DPP6: variants seen among roughly 807,000 people sequenced by gnomAD.
DPP6 encodes the protein A-type potassium channel modulatory protein DPP6.
A neutral mutation model predicts 122.6 loss-of-function variants in DPP6; 69 were observed. That is an observed-to-expected ratio of 0.56 (90% CI 0.46 to 0.69). The LOEUF (loss-of-function observed/expected upper bound fraction) is 0.69, where lower values mean the gene tolerates loss of function less well. Among genes scored for constraint, DPP6 ranks in the 30% least tolerant of loss-of-function variants. The pLI is 0.00. For missense variants in DPP6, 928 were observed against 1,116.9 expected (o/e 0.83, Z 2.41); for synonymous variants, 418 against 433.1 (o/e 0.97, Z 0.43).
At chr7:154,822,789 T>C (rs4246093) in intron 16 of DPP6, among the ~76,000 whole-genome samples, 117,966 of 151,594 alleles carry the variant, frequency 0.78, 46,174 homozygotes, top group Non-Finnish European at 0.83. Flanking sequence ...TTTCCTGCTC[T>C]TCATCCTGTT....
intron 1 of DPP6, among the ~76,000 whole-genome samples, chr7:154,212,423 A>G (rs951813420): frequency 8.5e-5 from 13 of 152,222 alleles, no homozygotes; most frequent in Admixed American, 7.2e-4. Context: ...CAAGGACTCT[A>G]TTTGCCTTAA....
intron 5 of DPP6, among the ~76,000 whole-genome samples, chr7:154,613,641 A>AAAAAAAAAAAAAG (rs1834049533): frequency 6.6e-6 from 1 of 150,738 alleles, no homozygotes; most frequent in African/African-American, 2.4e-5. Context: ...AAAAAAAAAA[A>AAAAAAAAAAAAAG]AAAAAAAAAA....
intron 1 of DPP6, among the ~76,000 whole-genome samples, chr7:154,251,937 G>A (rs1319581434): frequency 6.6e-6 from 1 of 152,024 alleles, no homozygotes; most frequent in Non-Finnish European, 1.5e-5. Flanking sequence ...ACAATACTTT[G>A]CATCCTTCAT....
chr7:154,179,298 G>A (rs1043347097), intron 1 of DPP6, among the ~76,000 whole-genome samples: 3 of 152,182 alleles, frequency 2.0e-5, no homozygotes, highest in African/African-American at 4.8e-5. Context: ...TAGGCTACAT[G>A]CAGAACAAAG....
At chr7:153,870,269 C>G in the DPP6 span, among the ~76,000 whole-genome samples, 1 of 152,212 alleles carries the variant, frequency 6.6e-6, no homozygotes, top group Non-Finnish European at 1.5e-5. Context: ...TCCATTCTCC[C>G]TGTCACTTTC....
At chr7:154,548,804 C>T (rs559827692) in intron 4 of DPP6, among the ~76,000 whole-genome samples, 3 of 152,258 alleles carry the variant, frequency 2.0e-5, no homozygotes, top group Admixed American at 2.0e-4. Context: ...ATATATTTTG[C>T]AACGGAGGTA....
At chr7:153,851,814 C>A in the DPP6 span, among the ~76,000 whole-genome samples, 5 of 152,056 alleles carry the variant, frequency 3.3e-5, no homozygotes, top group African/African-American at 1.2e-4. Flanking sequence ...GTTTTTCATG[C>A]TTTCTGAACT....
intron 8 of DPP6, among the ~76,000 whole-genome samples, chr7:154,740,558 T>C (rs1240074684): frequency 1.3e-5 from 2 of 152,252 alleles, no homozygotes; most frequent in Admixed American, 1.3e-4. Flanking sequence ...GTGGACCAGA[T>C]AATGCTAAAC....
At chr7:154,612,360 G>A (rs530229961) in intron 5 of DPP6, among the ~76,000 whole-genome samples, 33 of 152,240 alleles carry the variant, frequency 2.2e-4, no homozygotes, top group African/African-American at 7.2e-4. Context: ...TCTATTGACC[G>A]TCTCTAATAA....
At chr7:154,130,099 C>CAA (rs377375358) in intron 1 of DPP6, among the ~76,000 whole-genome samples, 13 of 134,844 alleles carry the variant, frequency 9.6e-5, no homozygotes, top group African/African-American at 3.6e-4. Flanking sequence ...CCCACACACA[C>CAA]AAAAAAAAAA....
rs1169277660 is a variant in DPP6, at chr7:153,964,856, CCCTTT to C, written c.51+77138_51+77142del. Among the ~76,000 whole-genome samples, 21 of 132,180 alleles carry C rather than the reference CCCTTT, an allele frequency of 1.6e-4. 1 individual carries two copies. The highest frequency in any genetic ancestry group is 2.6e-4 in the African/African-American group (7 of 27,184). 86.7% of individuals were successfully genotyped at this position (132,180 alleles called of 152,430 possible). Reference sequence around the variant, plus strand: ...TCCTTTTCCTTTTCCTTTTCCTTTTCCCTTTCCTTTCCTTTCCTTTTTTTCTTTCT... The same window carrying C: ...TCCTTTTCCTTTTCCTTTTCCTTTTCCCTTTCCTTTCCTTTTTTTCTTTCT... On this transcript the variant is annotated intron_variant, in intron 1 of 25. Transcript: ENST00000404039.
chr7:154,050,793 A>T (rs1800260293), upstream of DPP6, among the ~76,000 whole-genome samples: 1 of 124,062 alleles, frequency 8.1e-6, no homozygotes, highest in African/African-American at 3.2e-5. Context: ...TGTATTTGCT[A>T]TTTTTTAAAG....
At chr7:154,373,752 G>A (rs556398911) in intron 1 of DPP6, among the ~76,000 whole-genome samples, 10 of 152,014 alleles carry the variant, frequency 6.6e-5, no homozygotes, top group South Asian at 6.2e-4. Context: ...TCCTTATCCC[G>A]AACGGAAACT....
the DPP6 span, among the ~76,000 whole-genome samples, chr7:153,848,160 C>T: frequency 2.0e-5 from 3 of 152,124 alleles, no homozygotes; most frequent in Non-Finnish European, 2.9e-5. Flanking sequence ...GACAAGCTAG[C>T]GCTGAGGGCA....
At chr7:153,900,319 G>A (rs1255097153) in intron 1 of DPP6, among the ~76,000 whole-genome samples, 1 of 151,060 alleles carries the variant, frequency 6.6e-6, no homozygotes, top group African/African-American at 2.4e-5. Flanking sequence ...TATCTTTGTA[G>A]CAATGCCCCA....
chr7:153,972,710 G>T (rs1316454252), intron 1 of DPP6, among the ~76,000 whole-genome samples: 1 of 151,968 alleles, frequency 6.6e-6, no homozygotes, highest in Non-Finnish European at 1.5e-5. Flanking sequence ...CACTAATACT[G>T]GGAACTGCCA....
At chr7:154,835,872 C>T (rs1018977293) in intron 16 of DPP6, among the ~76,000 whole-genome samples, 1 of 152,152 alleles carries the variant, frequency 6.6e-6, no homozygotes, top group Non-Finnish European at 1.5e-5. Flanking sequence ...GGGGGTGTCT[C>T]AGAATCAATG....
the DPP6 span, among the ~76,000 whole-genome samples, chr7:153,809,522 C>A: frequency 4.6e-5 from 7 of 152,276 alleles, no homozygotes; most frequent in African/African-American, 1.7e-4. Context: ...GTAACACTTC[C>A]GTAATTCCTC....
At chr7:154,797,753 A>G (rs1798129286) in intron 12 of DPP6, among the ~76,000 whole-genome samples, 1 of 152,214 alleles carries the variant, frequency 6.6e-6, no homozygotes. Context: ...ATGCCACTCA[A>G]TTGTTCACTT....
Sources: allele counts gnomAD v4.1 joint callset (sites outside exome capture counted in the v4.1 genomes callset), GRCh38; gene constraint gnomAD v4.1.1; transcripts MANE v1.5; gene names NCBI Gene and HGNC (gene_info 2026-07-23, HGNC 2026-07-21).